The following CACNA1H variants were observed in gnomAD, a reference collection of about 807,000 sequenced individuals.
CACNA1H encodes the protein voltage-dependent T-type calcium channel subunit alpha-1H.
Under a neutral mutation model 192.5 loss-of-function variants are expected in CACNA1H, and 149 were observed. That is an observed-to-expected ratio of 0.77 (90% CI 0.68 to 0.89). CACNA1H has a LOEUF of 0.89. Ranked by LOEUF, CACNA1H falls within the 40% of genes least tolerant of loss-of-function variation. CACNA1H has a pLI of 0.00. For synonymous variants in CACNA1H, 2,202 were observed against 1,475.2 expected (o/e 1.49, Z -11.29); for missense variants, 4,257 against 3,423.5 (o/e 1.24, Z -6.08).
In CACNA1H at chr16:1,215,524, G is replaced by A. The variant is rs1313601373; in HGVS notation, c.5175G>A (p.Val1725=). ...RIMRVLRIAR[V]LKLLKMATGM... ...CTGACGCTCAGCTCCCGGCCCTAGT[G>A]CTGAAGCTGCTGAAGATGGCTACGG... Residue 1725 remains valine, a splice_region_variant and synonymous_variant, in exon 30 of 35, where the codon GTG becomes GTA. Transcript: ENST00000348261. 8 of 1,611,168 alleles carry A rather than the reference G, an allele frequency of 5.0e-6. No homozygotes were observed. The African/African-American group carries it at 9.3e-5, about 19-fold the overall frequency.
Position 1,211,488 on chromosome 16 carries a change from A to C in CACNA1H, c.4358A>C (p.Lys1453Thr), listed in dbSNP as rs748889281. 1.2e-6 allele frequency: 2 copies of C among 1,612,390 alleles called. No homozygotes were observed. The highest frequency in any genetic ancestry group is 2.2e-5 in the South Asian group (2 of 91,076). Residue 1453 changes from lysine (K) to threonine (T), a missense_variant, in exon 23 of 35, where the codon AAA (lysine) becomes ACA (threonine). Transcript: ENST00000348261. ...ACCGTCGCACCCCGTCAGCTCTTCA[A>C]AGGGAAGTTCTACTACTGCGAGGGC... ...IFGILGVQLF[K>T]GKFYYCEGPD...
At position 1,153,730 on chromosome 16, in the gene CACNA1H, C is replaced by T. The variant is rs1383087241; in HGVS notation, c.-8C>T. The T allele has an allele frequency of 3.3e-6, 4 of 1,204,852 alleles. No individual in the cohort carries two copies. The African/African-American group carries it at 4.8e-5, about 14-fold the overall frequency. 74.6% of individuals were successfully genotyped at this position (1,204,852 alleles called of 1,614,324 possible). On this transcript the variant is annotated 5_prime_UTR_variant, in exon 2 of 35. Coordinates refer to ENST00000348261, the MANE Select transcript of CACNA1H (RefSeq NM_021098.3). The stretch of plus-strand genomic sequence containing the variant: ...CCCTGTCCTCTGCAGGTGCTGCCGG[C>T]CGCCACCATGACCGAGGGCGCACGG...
intron 2 of CACNA1H, among the ~76,000 whole-genome samples, chr16:1,186,163 C>T (rs113849991): frequency 1.3e-5 from 2 of 151,222 alleles, no homozygotes; most frequent in Non-Finnish European, 1.5e-5. Flanking sequence ...GGTCGGCGTG[C>T]GTAGGGGCCG....
intron 2 of CACNA1H, among the ~76,000 whole-genome samples, chr16:1,168,054 G>C (rs1027798912): frequency 6.6e-6 from 1 of 152,188 alleles, no homozygotes; most frequent in Non-Finnish European, 1.5e-5. Flanking sequence ...AGGAGCCGCT[G>C]TGCCTAGGCC....
In CACNA1H at chr16:1,220,813, C is replaced by T. The variant is rs540026021; in HGVS notation, c.6881C>T (p.Ala2294Val). The change falls in exon 35 of 35, where the codon GCT becomes GTT. Residue 2294 changes from alanine to valine, a missense_variant. By Grantham distance (64) the Ala-to-Val change is moderately conservative. Transcript: ENST00000348261. ...GSHSVTPESR[A>V]SSSGAIVPLE... ...CACAGTGTGACCCCAGAATCCAGAG[C>T]TTCCTCTTCAGGGGCCATAGTGCCC... The T allele has an allele frequency of 1.9e-6, 3 of 1,612,716 alleles. No individual in the cohort carries two copies. The highest frequency in any genetic ancestry group is 2.2e-5 in the East Asian group (1 of 44,866).
At chr16:1,172,401 C>T (rs1352431894) in intron 2 of CACNA1H, among the ~76,000 whole-genome samples, 3 of 152,056 alleles carry the variant, frequency 2.0e-5, no homozygotes, top group Non-Finnish European at 4.4e-5. Flanking sequence ...CCCCAGGCGT[C>T]CTCCCCTCTT....
At chr16:1,190,215 C>A (rs1244719718) in intron 2 of CACNA1H, among the ~76,000 whole-genome samples, 1 of 152,226 alleles carries the variant, frequency 6.6e-6, no homozygotes. Context: ...CAGGGCTGTT[C>A]CCGGCTACGT....
intron 2 of CACNA1H, among the ~76,000 whole-genome samples, chr16:1,169,417 T>C (rs1596314246): frequency 6.6e-6 from 1 of 151,828 alleles, no homozygotes; most frequent in East Asian, 1.9e-4. Context: ...CCCGAGAGGG[T>C]GGCAGGGGCA....
chr16:1,170,186 C>T (rs1024786861), intron 2 of CACNA1H, among the ~76,000 whole-genome samples: 1 of 152,170 alleles, frequency 6.6e-6, no homozygotes, highest in Admixed American at 6.5e-5. Flanking sequence ...CCAGCCCACC[C>T]GGGTGTGTCC....
intron 33 of CACNA1H, 129 bp downstream of exon 33, chr16:1,218,780 G>T: frequency 8.6e-7 from 1 of 1,163,482 alleles, no homozygotes; most frequent in Non-Finnish European, 1.2e-6. Context: ...GAAGGAGGAT[G>T]GGGGCAGGCA....
At chr16:1,205,760 G>C (rs1596433330) in intron 11 of CACNA1H, among the ~76,000 whole-genome samples, 1 of 152,188 alleles carries the variant, frequency 6.6e-6, no homozygotes, top group African/African-American at 2.4e-5. Flanking sequence ...TCCCATCCTG[G>C]GGCGGGGAGG....
At chr16:1,219,778 C>T (rs1471349252) in intron 34 of CACNA1H, among the ~76,000 whole-genome samples, 1 of 86,130 alleles carries the variant, frequency 1.2e-5, no homozygotes, top group Non-Finnish European at 2.3e-5. Context: ...TACAGGCTTT[C>T]CCCGGGAGCC....
chr16:1,193,134 CG>C (rs1966763507), intron 2 of CACNA1H, among the ~76,000 whole-genome samples: 1 of 152,128 alleles, frequency 6.6e-6, no homozygotes, highest in Admixed American at 6.5e-5. Flanking sequence ...CTGTTTGGGC[CG>C]GGTGTCTTTG....
rs1056868756 is a variant in CACNA1H, at chr16:1,200,301, G to A, written c.849G>A (p.Glu283=). ...TGCGGCCGTACTACCAGACGGAGGA[G>A]GGCGAGGAGAACCCGTTCATCTGCT... ...TFLRPYYQTE[E]GEENPFICSS... Residue 283 remains glutamate (E), a synonymous_variant, in exon 7 of 35, where the codon GAG becomes GAA. Coordinates refer to ENST00000348261, the MANE Select transcript of CACNA1H (RefSeq NM_021098.3). The A allele has an allele frequency of 3.7e-6, 6 of 1,606,596 alleles. No individual in the cohort carries two copies. Among genetic ancestry groups the A allele is most frequent in the Non-Finnish European group, 5.1e-6 (6 of 1,176,952 alleles).
intron 20 of CACNA1H, 65 bp from the exon 21 acceptor site, chr16:1,210,722 C>T (rs993065984): frequency 1.8e-5 from 29 of 1,575,908 alleles, no homozygotes; most frequent in Middle Eastern, 3.3e-4. Context: ...CCCCACCCAG[C>T]AGCGCGCCAG....
At position 1,218,637 on chromosome 16, in the gene CACNA1H, C is replaced by T. The variant is rs780614055; in HGVS notation, c.5873C>T (p.Ala1958Val). ...GAGGTGGAGATGGAGACCTATGGGG[C>T]CGGCACCCCCTTGGGTATGGTAGCC... ...LQEVEMETYGAGTPLGSVASV... is the reference protein window; with the variant it reads ...LQEVEMETYGVGTPLGSVASV... The change falls in exon 33 of 35, where the codon GCC becomes GTC. Residue 1958 changes from alanine to valine, a missense_variant. Transcript: ENST00000348261. 1 of 1,548,904 alleles carries T rather than the reference C, an allele frequency of 6.5e-7. No homozygotes were observed. The highest frequency in any genetic ancestry group is 1.2e-5 in the South Asian group (1 of 83,448).
Position 1,195,949 on chromosome 16 carries a change from G to T in CACNA1H, c.569G>T (p.Gly190Val), listed in dbSNP as rs924641282. 6.2e-7 allele frequency: 1 copy of T among 1,613,134 alleles called. No individual in the cohort carries two copies. The highest frequency in any genetic ancestry group is 8.5e-7 in the Non-Finnish European group (1 of 1,179,832). ...VAGMMEYSLD[G>V]HNVSLSAIRT... ...AGCATGATGGAGTACTCGTTGGACG[G>T]ACACAACGTGAGCCTCTCGGCTATC... is the stretch of plus-strand genomic sequence containing the variant. The change falls in exon 5 of 35, where the codon GGA (glycine) becomes GTA (valine). Residue 190 changes from glycine to valine, a missense_variant. Gly to Val is a moderately radical substitution (Grantham distance 109, BLOSUM62 -3). Transcript: ENST00000348261.
Position 1,220,417 on chromosome 16 carries a change from G to A in CACNA1H, c.6485G>A (p.Ser2162Asn), listed in dbSNP as rs745906833. Residue 2162 changes from serine to asparagine, a missense_variant, in exon 35 of 35, where the codon AGC becomes AAC. Transcript: ENST00000348261. ...EQWRPSAELG[S>N]GEPGEAKAWG... ...TGGCGGCCCTCGGCGGAGCTGGGCA[G>A]CGGGGAGCCTGGGGAGGCGAAGGCC... The A allele has an allele frequency of 6.5e-7, 1 of 1,531,198 alleles. No homozygotes were observed. Among genetic ancestry groups the A allele is most frequent in the Non-Finnish European group, 8.7e-7 (1 of 1,148,258 alleles). 94.9% of individuals were successfully genotyped at this position (1,531,198 alleles called of 1,614,324 possible). A position where few individuals can be genotyped will look rare whatever the true frequency, so the allele number is the denominator to read the frequency against.
intron 12 of CACNA1H, 88 bp from the exon 13 acceptor site, chr16:1,206,913 T>TCCCCCCCCCCCCC: frequency 4.2e-5 from 3 of 70,702 alleles, no homozygotes; most frequent in Non-Finnish European, 8.0e-5. Context: ...TGCCCCTCCC[T>TCCCCCCCCCCCCC]CCTCCCACCC....
Sources: gnomAD v4.1 joint callset for allele counts (sites outside exome capture counted in the v4.1 genomes callset) on GRCh38, gnomAD v4.1.1 for gene constraint, MANE v1.5 for transcripts, NCBI Gene and HGNC (gene_info 2026-07-23, HGNC 2026-07-21) for gene names.